Variants in ACKR3 observed in about 807,000 individuals in gnomAD.
ACKR3 encodes the protein C-X-C chemokine receptor type 7.
Under a neutral mutation model 22.4 loss-of-function variants are expected in ACKR3, and 6 were observed. The ratio of observed to expected loss-of-function variants is 0.27; its 90% CI spans 0.15 to 0.53. ACKR3 has a LOEUF of 0.53. Ranked by LOEUF, ACKR3 falls within the 20% of genes least tolerant of loss-of-function variation. The pLI, the probability that ACKR3 is intolerant of heterozygous loss-of-function variation, is 0.96. For missense variants in ACKR3, 396 were observed against 475.2 expected, an observed-to-expected ratio of 0.83 and a Z score of 1.55; for synonymous variants, 209 against 205.2, an observed-to-expected ratio of 1.02 and a Z score of -0.16.
At chr2:236,576,037 G>C (rs529487771) in intron 1 of ACKR3, among the ~76,000 whole-genome samples, 42 of 152,258 alleles carry the variant, frequency 2.8e-4, no homozygotes, top group Admixed American at 5.2e-4. Context: ...TAGAACCTAA[G>C]TGTCAGAAGT....
chr2:236,543,073 G>A, the ACKR3 span, among the ~76,000 whole-genome samples: 2 of 152,186 alleles, frequency 1.3e-5, no homozygotes, highest in East Asian at 1.9e-4. Flanking sequence ...ATGCTTTACC[G>A]AACTTAGGAA....
At chr2:236,553,926 A>G in the ACKR3 span, among the ~76,000 whole-genome samples, 50 of 152,366 alleles carry the variant, frequency 3.3e-4, no homozygotes, top group African/African-American at 1.2e-3. Context: ...TTATTTAACA[A>G]TCTGTTTGCG....
the ACKR3 span, among the ~76,000 whole-genome samples, chr2:236,558,399 G>A: frequency 1.3e-5 from 2 of 152,224 alleles, no homozygotes; most frequent in Non-Finnish European, 2.9e-5. Context: ...GAATGGCTAA[G>A]GGTGATGGGC....
At chr2:236,560,204 ATT>A in the ACKR3 span, among the ~76,000 whole-genome samples, 1 of 151,306 alleles carries the variant, frequency 6.6e-6, no homozygotes, top group East Asian at 1.9e-4. Context: ...TCTATTTTTA[ATT>A]TTTTTTGAGG....
chr2:236,564,792 G>T (rs1020614826), upstream of ACKR3, among the ~76,000 whole-genome samples: 1 of 151,930 alleles, frequency 6.6e-6, no homozygotes, highest in Non-Finnish European at 1.5e-5. Context: ...CCATGAAATC[G>T]GGCACGCTTG....
the ACKR3 span, among the ~76,000 whole-genome samples, chr2:236,543,978 T>TG: frequency 2.9e-5 from 2 of 68,328 alleles, 1 homozygote; most frequent in East Asian, 9.8e-4. Context: ...TATATATATA[T>TG]ATATATATAT....
At position 236,581,361 on chromosome 2, in the gene ACKR3, T is replaced by C; in HGVS notation, c.896T>C (p.Val299Ala). Reference sequence around the variant, plus strand: ...CACGCCCTCTTCACGGCCCTGCATGTCACACAGTGCCTGTCGCTGGTGCAC... The same window carrying C: ...CACGCCCTCTTCACGGCCCTGCATGCCACACAGTGCCTGTCGCTGGTGCAC... ...LEHALFTALH[V>A]TQCLSLVHCC... The change falls in exon 2 of 2, where the codon GTC becomes GCC. Residue 299 changes from valine to alanine, a missense_variant. Physicochemically the swap from Val to Ala is moderately conservative, Grantham distance 64. Coordinates refer to ENST00000272928, the MANE Select transcript of ACKR3 (RefSeq NM_020311.3). This position sits in a 1 kb window ranked among gnomAD's most constrained non-coding sequence, Gnocchi z 4.4. 6.2e-7 allele frequency: 1 copy of C among 1,614,122 alleles called. No homozygotes were observed. The highest frequency in any genetic ancestry group is 8.5e-7 in the Non-Finnish European group (1 of 1,180,044).
In ACKR3 at chr2:236,574,079, C is replaced by T. The variant is rs180702837; in HGVS notation, c.-27+4155C>T. Among the ~76,000 whole-genome samples the T allele has an allele frequency of 2.0e-5, 3 of 151,588 alleles. No individual in the cohort carries two copies. Among genetic ancestry groups the T allele is most frequent in the Admixed American group, 6.6e-5 (1 of 15,228 alleles). On this transcript the variant is annotated intron_variant, in intron 1 of 1. Coordinates refer to ENST00000272928, the MANE Select transcript of ACKR3 (RefSeq NM_020311.3). This position sits in a 1 kb window ranked among gnomAD's most constrained non-coding sequence, Gnocchi z 5.6. The stretch of plus-strand genomic sequence containing the variant: ...TCATGCCTGGGGGGTGATGGGCCTG[C>T]GTGCCTTCCCAATTAGCCGGCGGGG...
At chr2:236,544,083 G>A in the ACKR3 span, among the ~76,000 whole-genome samples, 2 of 148,214 alleles carry the variant, frequency 1.3e-5, no homozygotes, top group East Asian at 2.0e-4. This position sits in a 1 kb window ranked among gnomAD's most constrained non-coding sequence, Gnocchi z 5.0. Context: ...TCTGCCTCCC[G>A]GATTCAAGTG....
rs905290761 is a variant in ACKR3 at position 236,574,238 on chromosome 2, G to A, written c.-27+4314G>A. Among the ~76,000 whole-genome samples the A allele has an allele frequency of 1.3e-5, 2 of 152,088 alleles. No individual in the cohort carries two copies. Among genetic ancestry groups the A allele is most frequent in the African/African-American group, 2.4e-5 (1 of 41,406 alleles). ...TCAGAAAAGTCTCTCCTGGACGCCC[G>A]TCTCCGCTGCTGGCCACAGTCGCTG... On this transcript the variant is annotated intron_variant, in intron 1 of 1. Coordinates refer to ENST00000272928, the MANE Select transcript of ACKR3 (RefSeq NM_020311.3). The surrounding 1 kb of genome is among the most constrained non-coding windows in gnomAD (Gnocchi z 5.6).
chr2:236,545,618 G>T, the ACKR3 span, among the ~76,000 whole-genome samples: 4 of 152,158 alleles, frequency 2.6e-5, no homozygotes, highest in Admixed American at 2.6e-4. This position sits in a 1 kb window ranked among gnomAD's most constrained non-coding sequence, Gnocchi z 5.3. Context: ...GTCAATAAAA[G>T]TGTGGCAGAC....
the ACKR3 span, among the ~76,000 whole-genome samples, chr2:236,546,102 G>A: frequency 5.0e-4 from 76 of 152,338 alleles, no homozygotes; most frequent in African/African-American, 1.7e-3. This position sits in a 1 kb window ranked among gnomAD's most constrained non-coding sequence, Gnocchi z 4.9. Context: ...CCAACGATGC[G>A]ATGTTTTGCT....
chr2:236,566,128 G>C (rs916758961), upstream of ACKR3, among the ~76,000 whole-genome samples: 1 of 152,192 alleles, frequency 6.6e-6, no homozygotes, highest in Non-Finnish European at 1.5e-5. Flanking sequence ...AGTCAGGTGC[G>C]GTTTCTGGAA....
At chr2:236,576,126 C>G (rs1691407922) in intron 1 of ACKR3, among the ~76,000 whole-genome samples, 1 of 152,162 alleles carries the variant, frequency 6.6e-6, no homozygotes, top group Non-Finnish European at 1.5e-5. Flanking sequence ...TGATTCACAC[C>G]CAGACATGTT....
chr2:236,575,588 G>A (rs1239009174), intron 1 of ACKR3, among the ~76,000 whole-genome samples: 1 of 125,102 alleles, frequency 8.0e-6, no homozygotes, highest in African/African-American at 3.8e-5. Flanking sequence ...CTGTGTGTGC[G>A]TGTGTCTGGG....
intron 1 of ACKR3, 22 bp from the exon 2 acceptor site, chr2:236,580,418 T>G (rs1160813779): frequency 7.1e-6 from 11 of 1,560,044 alleles, no homozygotes; most frequent in Non-Finnish European, 9.5e-6. Context: ...CCATCTTTTT[T>G]GTTTGCTTGG....
At chr2:236,551,155 C>T in the ACKR3 span, among the ~76,000 whole-genome samples, 3 of 152,206 alleles carry the variant, frequency 2.0e-5, no homozygotes, top group Non-Finnish European at 4.4e-5. Flanking sequence ...GGGAGGAACC[C>T]GGCGAGCACC....
rs1042167220 is a variant in ACKR3 at position 236,577,239 on chromosome 2, C to G, written c.-26-3201C>G. Among the ~76,000 whole-genome samples the G allele has an allele frequency of 2.6e-5, 4 of 152,202 alleles. No individual in the cohort carries two copies. The highest frequency in any genetic ancestry group is 7.2e-5 in the African/African-American group (3 of 41,452). On this transcript the variant is annotated intron_variant, in intron 1 of 1. Coordinates refer to ENST00000272928, the MANE Select transcript of ACKR3 (RefSeq NM_020311.3). The surrounding 1 kb of genome is among the most constrained non-coding windows in gnomAD (Gnocchi z 5.6). ...GCCCTTGGGCAGCAACAGCCATGCC[C>G]TTGTTGGAAGTTTCCCACTGTGCCA...
chr2:236,567,148 G>T (rs1166552770), upstream of ACKR3, among the ~76,000 whole-genome samples: 2 of 152,152 alleles, frequency 1.3e-5, no homozygotes, highest in Non-Finnish European at 2.9e-5. Flanking sequence ...ACAGACGCGC[G>T]CCACCGCGCT....
Sources: allele counts gnomAD v4.1 joint callset (sites outside exome capture counted in the v4.1 genomes callset), GRCh38; gene constraint gnomAD v4.1.1; non-coding constraint Gnocchi (gnomAD v3.1); transcripts MANE v1.5; gene names NCBI Gene and HGNC (gene_info 2026-07-23, HGNC 2026-07-21).